The following NRXN1 variants were observed in gnomAD, a reference collection of about 807,000 sequenced individuals.
The protein encoded by NRXN1 is neurexin 1.
NRXN1 carries 39 observed loss-of-function variants against 150.9 expected under a neutral mutation model. The observed-to-expected ratio is 0.26, with a 90% CI of 0.20 to 0.34. The LOEUF (loss-of-function observed/expected upper bound fraction) is 0.34, where lower values mean the gene tolerates loss of function less well. NRXN1 is among the 10% of genes least tolerant of loss of function. NRXN1 has a pLI of 1.00. For synonymous variants in NRXN1, 924 were observed against 757.0 expected (o/e 1.22, Z -3.62); for missense variants, 1,815 against 1,949.9 (o/e 0.93, Z 1.30).
intron 5 of NRXN1, among the ~76,000 whole-genome samples, chr2:50,762,620 C>T (rs1701933225): frequency 6.6e-6 from 1 of 151,924 alleles, no homozygotes; most frequent in South Asian, 2.1e-4. Flanking sequence ...CATTTATTCA[C>T]TTAGGATAAT....
intron 17 of NRXN1, among the ~76,000 whole-genome samples, chr2:50,263,117 G>A (rs1257034925): frequency 6.6e-6 from 1 of 150,846 alleles, no homozygotes; most frequent in African/African-American, 2.4e-5. Flanking sequence ...GAGACTACAT[G>A]GCAAGGTGAT....
At chr2:50,652,658 T>A (rs1274378048) in intron 5 of NRXN1, among the ~76,000 whole-genome samples, 1 of 152,100 alleles carries the variant, frequency 6.6e-6, no homozygotes, top group Non-Finnish European at 1.5e-5. Flanking sequence ...GCTGTGAACA[T>A]CTGTGAACGA....
intron 8 of NRXN1, among the ~76,000 whole-genome samples, chr2:50,578,523 C>A (rs575791598): frequency 6.6e-6 from 1 of 152,222 alleles, no homozygotes; most frequent in African/African-American, 2.4e-5. Context: ...AACTATAGTA[C>A]AATATCACAA....
intron 8 of NRXN1, among the ~76,000 whole-genome samples, chr2:50,582,330 C>G (rs1230376662): frequency 6.6e-6 from 1 of 151,482 alleles, no homozygotes; most frequent in African/African-American, 2.4e-5. Flanking sequence ...CAAAACCAGC[C>G]TGGGCAGCAT....
At chr2:50,795,335 G>T (rs1706660171) in intron 5 of NRXN1, among the ~76,000 whole-genome samples, 1 of 152,066 alleles carries the variant, frequency 6.6e-6, no homozygotes, top group Admixed American at 6.6e-5. Flanking sequence ...TTTTCTTCAT[G>T]ATTCAGTAAT....
intron 5 of NRXN1, among the ~76,000 whole-genome samples, chr2:50,645,839 T>C (rs1573946595): frequency 6.6e-6 from 1 of 152,098 alleles, no homozygotes; most frequent in African/African-American, 2.4e-5. Flanking sequence ...AGATCGAGAA[T>C]AGCTTTTCTT....
At position 50,116,706 on chromosome 2, in the gene NRXN1, A is replaced by G. The variant is rs140623103; in HGVS notation, c.3547-25212T>C. The stretch of plus-strand genomic sequence containing the variant: ...ATAGGCAAAATCTTCCTTCCCCAAC[A>G]CAGCTCTGTGACACTGTCAATTTAA... On this transcript the variant is annotated intron_variant, in intron 18 of 22. Coordinates refer to ENST00000401669, the MANE Select transcript of NRXN1 (RefSeq NM_001330078.2). 6.4e-3 allele frequency among the ~76,000 whole-genome samples: 981 copies of G among 152,198 alleles called. 3 individuals are homozygous for G. Among genetic ancestry groups the G allele is most frequent in the Non-Finnish European group, 0.011 (773 of 67,984 alleles).
chr2:50,139,599 G>A (rs1269057986), intron 18 of NRXN1, among the ~76,000 whole-genome samples: 1 of 150,818 alleles, frequency 6.6e-6, no homozygotes, highest in Non-Finnish European at 1.5e-5. Flanking sequence ...AAAAAGAGAG[G>A]AAAAAACAAA....
chr2:50,545,221 C>T (rs527716633), intron 9 of NRXN1, among the ~76,000 whole-genome samples: 103 of 152,214 alleles, frequency 6.8e-4, no homozygotes, highest in African/African-American at 2.4e-3. Flanking sequence ...TTAAATACAT[C>T]ATGCATTACA....
At chr2:50,651,809 G>C (rs1685676752) in intron 5 of NRXN1, among the ~76,000 whole-genome samples, 1 of 151,854 alleles carries the variant, frequency 6.6e-6, no homozygotes, top group Non-Finnish European at 1.5e-5. Flanking sequence ...AATAAACAAG[G>C]AGCAATTTTC....
At chr2:50,683,353 C>A (rs1048648286) in intron 5 of NRXN1, among the ~76,000 whole-genome samples, 4 of 151,384 alleles carry the variant, frequency 2.6e-5, no homozygotes, top group Non-Finnish European at 4.4e-5. Context: ...TAGTTACAGG[C>A]CAGGCGCAGT....
intron 21 of NRXN1, among the ~76,000 whole-genome samples, chr2:50,033,458 C>T (rs1689487144): frequency 1.3e-5 from 2 of 152,088 alleles, no homozygotes; most frequent in Admixed American, 6.6e-5. Context: ...CTTCCTCACA[C>T]CATATACAAA....
chr2:50,858,798 A>C (rs1471604738), intron 5 of NRXN1, among the ~76,000 whole-genome samples: 1 of 152,114 alleles, frequency 6.6e-6, no homozygotes, highest in African/African-American at 2.4e-5. Flanking sequence ...TCTATATAAA[A>C]TTGCACAATT....
chr2:50,776,989 G>C (rs1574439150), intron 5 of NRXN1, among the ~76,000 whole-genome samples: 1 of 152,034 alleles, frequency 6.6e-6, no homozygotes, highest in African/African-American at 2.4e-5. Flanking sequence ...CATTTATTTT[G>C]TCTTGTATCT....
chr2:50,552,964 G>T lies in NRXN1; in HGVS notation c.1382C>A (p.Pro461His). ...ELSRLAKQGD[P>H]KMKIHGVVAF... ...CACCACTCCATGGATCTTCATCTTA[G>T]GATCTCCTTGCTTGGCAAGTCGAGA... Residue 461 changes from proline (P) to histidine (H), a missense_variant, in exon 9 of 23, where the codon CCT (proline) becomes CAT (histidine). Physicochemically the swap from Pro to His is moderately conservative, Grantham distance 77. Transcript: ENST00000401669. 6.2e-7 allele frequency: 1 copy of T among 1,613,592 alleles called. No individual in the cohort carries two copies. Among genetic ancestry groups the T allele is most frequent in the Non-Finnish European group, 8.5e-7 (1 of 1,179,690 alleles).
At chr2:50,248,050 C>G (rs75867004) in intron 17 of NRXN1, among the ~76,000 whole-genome samples, 390 of 152,140 alleles carry the variant, frequency 2.6e-3, no homozygotes, top group Non-Finnish European at 4.2e-3. Flanking sequence ...CTCATTCTGT[C>G]ACATAGGCTG....
chr2:50,463,469 TA>T (rs2088467716), intron 17 of NRXN1, among the ~76,000 whole-genome samples: 1 of 151,778 alleles, frequency 6.6e-6, no homozygotes, highest in Admixed American at 6.6e-5. Flanking sequence ...GAGAGCTCTC[TA>T]AAGTAATTTT....
At chr2:50,205,063 C>G (rs779355003) in intron 18 of NRXN1, among the ~76,000 whole-genome samples, 1 of 151,900 alleles carries the variant, frequency 6.6e-6, no homozygotes, top group African/African-American at 2.4e-5. Flanking sequence ...CACACAAAGA[C>G]AAGAAAAATT....
intron 5 of NRXN1, among the ~76,000 whole-genome samples, chr2:50,776,064 A>G (rs1703595999): frequency 6.6e-6 from 1 of 152,150 alleles, no homozygotes; most frequent in Non-Finnish European, 1.5e-5. Flanking sequence ...AAATCATTCT[A>G]TGAACAAATC....
Sources: gnomAD v4.1 joint callset for allele counts (sites outside exome capture counted in the v4.1 genomes callset) on GRCh38, gnomAD v4.1.1 for gene constraint, MANE v1.5 for transcripts, NCBI Gene and HGNC (gene_info 2026-07-23, HGNC 2026-07-21) for gene names.